The following NOS1 variants were observed in gnomAD, a reference collection of about 807,000 sequenced individuals.
The protein encoded by NOS1 is nitric oxide synthase 1.
Under a neutral mutation model 164.5 loss-of-function variants are expected in NOS1, and 51 were observed. The observed-to-expected ratio is 0.31, with a 90% CI of 0.25 to 0.39. The LOEUF (loss-of-function observed/expected upper bound fraction) is 0.39. Ranked by LOEUF, NOS1 falls within the 10% of genes least tolerant of loss-of-function variation. The pLI, the probability that NOS1 is intolerant of heterozygous loss-of-function variation, is 1.00. For missense variants in NOS1, 1,362 were observed against 1,885.6 expected (o/e 0.72, Z 5.14); for synonymous variants, 719 against 745.8 (o/e 0.96, Z 0.59).
rs1956544208 is a variant in NOS1 at position 117,212,473 on chromosome 12, A to T, written c.*2836T>A. 1.0e-6 allele frequency: 1 copy of T among 985,224 alleles called. No homozygotes were observed. Among genetic ancestry groups the T allele is most frequent in the African/African-American group, 1.7e-5 (1 of 57,210 alleles). The allele number at this position is 985,224 out of a possible 1,614,324, so 61.0% of individuals were successfully genotyped here. ...CTCTCCTCCCAAGGAGTTTAACATC[A>T]TCTCTCTGCTCTTTCACGACACAAG... On this transcript the variant is annotated 3_prime_UTR_variant, in exon 29 of 29. Coordinates refer to ENST00000317775, the MANE Select transcript of NOS1 (RefSeq NM_000620.5).
At position 117,253,641 on chromosome 12, in the gene NOS1, A is replaced by G; in HGVS notation, c.2645T>C (p.Val882Ala). Reference protein sequence around the residue: ...NFESAGPLANVRFSVFGLGSR... With the variant: ...NFESAGPLANARFSVFGLGSR... ...ACCCCCTTATCCCCTTGCTCACCTC[A>G]CATTGGCCAGGGGTCCAGCACTCTC... Residue 882 changes from valine to alanine, a missense_variant, in exon 17 of 29, where the codon GTG (valine) becomes GCG (alanine). By Grantham distance (64) the Val-to-Ala change is moderately conservative. Around this residue, in one of 4 missense-constraint regions of NOS1, gnomAD observed 737 missense variants for 1,030.3 expected, o/e 0.72. Coordinates refer to ENST00000317775, the MANE Select transcript of NOS1 (RefSeq NM_000620.5). 1 of 1,611,638 alleles carries G rather than the reference A, an allele frequency of 6.2e-7. No homozygotes were observed. Among genetic ancestry groups the G allele is most frequent in the Non-Finnish European group, 8.5e-7 (1 of 1,178,216 alleles).
rs143434841 is a variant in NOS1, at chr12:117,229,633, G to C, written c.3406-1992C>G. Among the ~76,000 whole-genome samples the C allele has an allele frequency of 7.6e-3, 1,148 of 150,252 alleles. 14 individuals carry two copies. The highest frequency in any genetic ancestry group is 0.026 in the African/African-American group (1,088 of 41,342). On this transcript the variant is annotated intron_variant, in intron 22 of 28. Coordinates refer to ENST00000317775, the MANE Select transcript of NOS1 (RefSeq NM_000620.5). ...AGACAGATTCTCGCTCTGTCACCCA[G>C]GCTGGAGTGCAGTGGCATGATCTCG...
In NOS1 at chr12:117,211,088, C is replaced by CT. The variant is rs1377556097; in HGVS notation, c.*4220dup. The CT allele has an allele frequency of 6.8e-6, 4 of 588,548 alleles. No individual in the cohort carries two copies. The highest frequency in any genetic ancestry group is 8.5e-6 in the Non-Finnish European group (4 of 467,962). 36.5% of individuals were successfully genotyped at this position (588,548 alleles called of 1,614,324 possible). A position where few individuals can be genotyped will look rare whatever the true frequency, so the allele number is the denominator to read the frequency against. On this transcript the variant is annotated 3_prime_UTR_variant, in exon 29 of 29. Coordinates refer to ENST00000317775, the MANE Select transcript of NOS1 (RefSeq NM_000620.5). ...CCTCCTTCCTCAGCCTCCCAGGTAG[C>CT]TGAGACTACAGGCGCATGCCACCAT... is the stretch of plus-strand genomic sequence containing the variant.
At chr12:117,333,745 G>A (rs1303969364) in intron 1 of NOS1, among the ~76,000 whole-genome samples, 7 of 152,288 alleles carry the variant, frequency 4.6e-5, no homozygotes, top group Admixed American at 3.9e-4. Flanking sequence ...TGTGTGGCCC[G>A]GGTGTCAACC....
At chr12:117,321,560 G>A (rs951692896) in intron 2 of NOS1, among the ~76,000 whole-genome samples, 5 of 152,166 alleles carry the variant, frequency 3.3e-5, no homozygotes, top group Non-Finnish European at 1.5e-5. Context: ...GATGGGGAGA[G>A]GGTACAAAGC....
At chr12:117,282,378 C>A (rs996655661) in intron 7 of NOS1, among the ~76,000 whole-genome samples, 1 of 152,202 alleles carries the variant, frequency 6.6e-6, no homozygotes, top group Non-Finnish European at 1.5e-5. Context: ...TCGGGTCCAA[C>A]TCCTTGCTTA....
In NOS1 at chr12:117,227,786, G is replaced by T. The variant is rs941037984; in HGVS notation, c.3406-145C>A. 3 of 763,308 alleles carry T rather than the reference G, an allele frequency of 3.9e-6. No homozygotes were observed. In the East Asian group the frequency reaches 8.0e-5, roughly 20 times the overall value. The allele number at this position is 763,308 out of a possible 1,614,324, so 47.3% of individuals were successfully genotyped here. Reference sequence around the variant, plus strand: ...TCATGCTTGTAATTGCAGTGCTTTGGGGGGCCGGGGAGAGAGGATCACTTG... The same window carrying T: ...TCATGCTTGTAATTGCAGTGCTTTGTGGGGCCGGGGAGAGAGGATCACTTG... On this transcript the variant is annotated intron_variant, in intron 22 of 28. Coordinates refer to ENST00000317775, the MANE Select transcript of NOS1 (RefSeq NM_000620.5).
At chr12:117,228,232 C>G (rs749340625) in intron 22 of NOS1, among the ~76,000 whole-genome samples, 17 of 152,126 alleles carry the variant, frequency 1.1e-4, no homozygotes, top group Non-Finnish European at 2.5e-4. Context: ...ATTACTGTTT[C>G]CCCATTTTAT....
intron 16 of NOS1, among the ~76,000 whole-genome samples, chr12:117,254,735 A>C (rs1214568780): frequency 6.6e-6 from 1 of 152,184 alleles, no homozygotes; most frequent in Non-Finnish European, 1.5e-5. Context: ...TGTCACTTGC[A>C]CCAGCCACAT....
chr12:117,243,321 C>T lies in NOS1; in HGVS notation c.2938G>A (p.Ala980Thr). ...KRNKFRLTFV[A>T]EAPELTQGLS... ...CCTTGTGTGAGTTCTGGAGCTTCGG[C>T]CACAAAGGTGAGGCGGAACTTGTTT... The change falls in exon 19 of 29, where the codon GCC (alanine) becomes ACC (threonine). Residue 980 changes from alanine (A) to threonine (T), a missense_variant. Physicochemically the swap from Ala to Thr is moderately conservative, Grantham distance 58. Coordinates refer to ENST00000317775, the MANE Select transcript of NOS1 (RefSeq NM_000620.5). The surrounding 1 kb of genome is among the most constrained non-coding windows in gnomAD (Gnocchi z 4.3). 6.2e-7 allele frequency: 1 copy of T among 1,614,126 alleles called. No homozygotes were observed. The highest frequency in any genetic ancestry group is 8.5e-7 in the Non-Finnish European group (1 of 1,180,016).
At chr12:117,248,696 C>A (rs531143566) in intron 17 of NOS1, among the ~76,000 whole-genome samples, 2 of 152,202 alleles carry the variant, frequency 1.3e-5, no homozygotes, top group East Asian at 3.9e-4. Flanking sequence ...ATTTATAGTC[C>A]TTTGGGTATA....
intron 16 of NOS1, among the ~76,000 whole-genome samples, chr12:117,256,694 C>A (rs918773487): frequency 3.9e-5 from 6 of 152,106 alleles, no homozygotes; most frequent in African/African-American, 1.4e-4. Flanking sequence ...ACTGAGTTGG[C>A]CTCATGGAAA....
At position 117,210,277 on chromosome 12, in the gene NOS1, C is replaced by T. The variant is rs1956507523; in HGVS notation, c.*5032G>A. 7.1e-6 allele frequency: 7 copies of T among 985,120 alleles called. No homozygotes were observed. Among genetic ancestry groups the T allele is most frequent in the Non-Finnish European group, 8.4e-6 (7 of 829,848 alleles). The allele number at this position is 985,120 out of a possible 1,614,324, so 61.0% of individuals were successfully genotyped here. ...ACAGGCATGAACCACCATGCCTGGCCTACTTTTTGAGCCAAAGAGGACATT... is the reference window on the plus strand; with the variant it reads ...ACAGGCATGAACCACCATGCCTGGCTTACTTTTTGAGCCAAAGAGGACATT... On this transcript the variant is annotated 3_prime_UTR_variant, in exon 29 of 29. Transcript: ENST00000317775.
intron 1 of NOS1, among the ~76,000 whole-genome samples, chr12:117,333,676 CTG>C (rs951535062): frequency 4.6e-5 from 7 of 152,168 alleles, no homozygotes; most frequent in East Asian, 1.9e-4. Context: ...TGGCGTTGCT[CTG>C]TGTGTGTGTT....
chr12:117,275,124 G>A (rs1457949511), intron 9 of NOS1, among the ~76,000 whole-genome samples: 5 of 151,692 alleles, frequency 3.3e-5, no homozygotes, highest in African/African-American at 4.8e-5. Context: ...ATATCAAAAC[G>A]TCTTATGTAC....
chr12:117,270,834 G>A (rs1872738260), intron 10 of NOS1, among the ~76,000 whole-genome samples: 1 of 151,998 alleles, frequency 6.6e-6, no homozygotes, highest in Non-Finnish European at 1.5e-5. Context: ...TCAAGAGTTC[G>A]AGACTAGCCT....
chr12:117,339,245 G>A (rs958350611), intron 1 of NOS1, among the ~76,000 whole-genome samples: 15 of 152,098 alleles, frequency 9.9e-5, no homozygotes, highest in African/African-American at 1.9e-4. Context: ...CCTCAGCCAC[G>A]GAATTCCCCC....
intron 20 of NOS1, among the ~76,000 whole-genome samples, chr12:117,240,881 A>G (rs1398735181): frequency 6.6e-6 from 1 of 152,056 alleles, no homozygotes; most frequent in African/African-American, 2.4e-5. Context: ...TCACATCTCA[A>G]ATTGATCAAA....
rs554942070 is a variant in NOS1 at position 117,253,712 on chromosome 12, G to A, written c.2574C>T (p.Asp858=). ...VRFNSVSSYS[D]SQKSSGDGPD... ...GCCCATCGCCTGATGATTTTTGGGA[G>A]TCAGAGTAGGAGGAGACGCTGTTGA... Residue 858 remains aspartate, a synonymous_variant, in exon 17 of 29, where the codon GAC becomes GAT. Transcript: ENST00000317775. 4 of 1,614,082 alleles carry A rather than the reference G, an allele frequency of 2.5e-6. No individual in the cohort carries two copies. In the African/African-American group the frequency reaches 5.3e-5, roughly 22 times the overall value.
Sources: gnomAD v4.1 joint callset for allele counts (sites outside exome capture counted in the v4.1 genomes callset) on GRCh38, gnomAD v4.1.1 for gene constraint, gnomAD v4.1.1 regional missense constraint, Gnocchi (gnomAD v3.1) non-coding constraint, MANE v1.5 for transcripts, NCBI Gene and HGNC (gene_info 2026-07-23, HGNC 2026-07-21) for gene names.